The following PHF6 variants were observed in gnomAD, a reference collection of about 807,000 sequenced individuals.
PHF6 encodes the protein PHD finger protein 6.
In PHF6, 7 loss-of-function variants were observed where a neutral mutation model predicts 34.0. The observed-to-expected ratio is 0.21, with a 90% CI of 0.12 to 0.39. PHF6 has a LOEUF of 0.39. Ranked by LOEUF, PHF6 falls within the 10% of genes least tolerant of loss-of-function variation. PHF6 has a pLI of 1.00. For synonymous variants in PHF6, 89 were observed against 88.4 expected (o/e 1.01, Z -0.04); for missense variants, 128 against 262.8 (o/e 0.49, Z 3.55).
chrX:134,376,568 A>G (rs2077278878), intron 1 of PHF6, among the ~76,000 whole-genome samples: 2 of 111,664 alleles, frequency 1.8e-5, no homozygotes, highest in African/African-American at 6.5e-5. Flanking sequence ...TGTACTACCT[A>G]TAATTAAAAT....
At chrX:134,393,072 A>G (rs936516925) in intron 3 of PHF6, among the ~76,000 whole-genome samples, 2 of 112,319 alleles carry the variant, frequency 1.8e-5, no homozygotes, top group African/African-American at 6.5e-5. Context: ...TGCTGGGATT[A>G]CAGGCATGAG....
chrX:134,385,498 A>G (rs2077327893), intron 3 of PHF6, among the ~76,000 whole-genome samples: 1 of 111,506 alleles, frequency 9.0e-6, no homozygotes, highest in African/African-American at 3.3e-5. Flanking sequence ...TCTTCTTTGT[A>G]CTCAATAGTG....
At chrX:134,388,102 A>C (rs1417090884) in intron 3 of PHF6, among the ~76,000 whole-genome samples, 2 of 111,947 alleles carry the variant, frequency 1.8e-5, no homozygotes, top group African/African-American at 6.5e-5. Flanking sequence ...AATTTAACAA[A>C]TAAAAACTAA....
chrX:134,389,201 C>T (rs752643157), intron 3 of PHF6, among the ~76,000 whole-genome samples: 1 of 111,396 alleles, frequency 9.0e-6, no homozygotes, highest in African/African-American at 3.3e-5. Context: ...AGGATACAAG[C>T]AGGATAAGCT....
At chrX:134,391,736 C>T (rs1301909259) in intron 3 of PHF6, among the ~76,000 whole-genome samples, 2 of 111,663 alleles carry the variant, frequency 1.8e-5, no homozygotes, top group Admixed American at 9.6e-5. Flanking sequence ...TGTAGAATTA[C>T]GTTTCACTAA....
At chrX:134,410,975 T>C (rs1361649563) in intron 5 of PHF6, among the ~76,000 whole-genome samples, 3 of 92,915 alleles carry the variant, frequency 3.2e-5, no homozygotes. Context: ...TTTTTTGAGA[T>C]GGAGTCTTGC....
chrX:134,399,803 TTTAAA>T (rs780689139), intron 5 of PHF6, among the ~76,000 whole-genome samples: 1 of 110,616 alleles, frequency 9.0e-6, no homozygotes, highest in Non-Finnish European at 1.9e-5. Flanking sequence ...AAGTCCATAG[TTTAAA>T]TTAGTGCACT....
chrX:134,417,351 C>G (rs1341594125), intron 9 of PHF6, 49 bp downstream of exon 9: 1 of 1,151,256 alleles, frequency 8.7e-7, no homozygotes, highest in East Asian at 3.0e-5. Context: ...AGTAACCGTC[C>G]TTAAATAGAT....
chrX:134,415,978 G>A (rs757178686), intron 8 of PHF6, among the ~76,000 whole-genome samples: 10 of 107,273 alleles, frequency 9.3e-5, no homozygotes, highest in Non-Finnish European at 1.5e-4. Flanking sequence ...TTATTTTTTT[G>A]AGACAGAGTC....
At chrX:134,373,942 T>C (rs2077267988) in intron 1 of PHF6, among the ~76,000 whole-genome samples, 1 of 106,711 alleles carries the variant, frequency 9.4e-6, no homozygotes, top group Admixed American at 1.0e-4. Context: ...GGGCTAACTC[T>C]TGGGGGAGGG....
chrX:134,401,746 T>C (rs2077403320), intron 5 of PHF6, among the ~76,000 whole-genome samples: 1 of 111,588 alleles, frequency 9.0e-6, no homozygotes, highest in African/African-American at 3.3e-5. Flanking sequence ...AAGGAATCTT[T>C]TGTGCCTAAC....
intron 9 of PHF6, chrX:134,420,368 T>C (rs2077487423): frequency 9.1e-6 from 1 of 109,826 alleles, no homozygotes; most frequent in South Asian, 3.9e-4. Context: ...CAATATTTGT[T>C]ATTCATATCA....
chrX:134,415,797 T>A (rs2077470643), intron 8 of PHF6, among the ~76,000 whole-genome samples: 1 of 111,089 alleles, frequency 9.0e-6, no homozygotes, highest in Admixed American at 9.6e-5. Flanking sequence ...GTGGCGCTTG[T>A]TTCATATAGG....
At chrX:134,424,416 A>G (rs1026388202) in intron 9 of PHF6, among the ~76,000 whole-genome samples, 9 of 111,900 alleles carry the variant, frequency 8.0e-5, no homozygotes, top group Admixed American at 9.5e-5. Context: ...CTCCTGAAAT[A>G]TGCAGGATTA....
chrX:134,424,518 G>C (rs1035293805), intron 9 of PHF6, among the ~76,000 whole-genome samples: 1 of 112,089 alleles, frequency 8.9e-6, no homozygotes, highest in Non-Finnish European at 1.9e-5. Context: ...AATACAGGGC[G>C]AGAGAGAACC....
chrX:134,413,769 G>A (rs2077460943), intron 6 of PHF6, 54 bp from the exon 7 acceptor site: 5 of 1,198,225 alleles, frequency 4.2e-6, no homozygotes, highest in African/African-American at 1.8e-5. Context: ...TTGAAATACC[G>A]ATAGCATATT....
rs773071851 is a variant in PHF6 at position 134,426,573 on chromosome X, A to G, written c.*913A>G. 2 of 159,284 alleles carry G rather than the reference A, an allele frequency of 1.3e-5. No homozygotes were observed. Among genetic ancestry groups the G allele is most frequent in the South Asian group, 6.5e-4 (2 of 3,085 alleles). 13.1% of individuals were successfully genotyped at this position (159,284 alleles called of 1,213,427 possible). A position where few individuals can be genotyped will look rare whatever the true frequency, so the allele number is the denominator to read the frequency against. On this transcript the variant is annotated 3_prime_UTR_variant, in exon 11 of 11. Transcript: ENST00000370803. ...TAAAAAAGTCTTTGCATAAAACAGT[A>G]TTTATTTTTACTTTTGTGACCACTA...
At chrX:134,402,628 T>C (rs1602707282) in intron 5 of PHF6, among the ~76,000 whole-genome samples, 1 of 111,938 alleles carries the variant, frequency 8.9e-6, no homozygotes, top group Middle Eastern at 4.6e-3. Context: ...CGTGTACAAC[T>C]CTAAACAATG....
chrX:134,426,189 T>C lies in PHF6; in HGVS notation c.*529T>C, dbSNP rs944997192. 1.3e-5 allele frequency: 2 copies of C among 158,596 alleles called. No homozygotes were observed. The highest frequency in any genetic ancestry group is 6.0e-5 in the African/African-American group (2 of 33,101). 13.1% of individuals were successfully genotyped at this position (158,596 alleles called of 1,213,427 possible). On this transcript the variant is annotated 3_prime_UTR_variant, in exon 11 of 11. Transcript: ENST00000370803. ...CATGCTAAAAATCTCTTCCAAGAAG[T>C]ATGCTAAAGCTTTTCATTTGGTTCC...
Sources: allele counts gnomAD v4.1 joint callset (sites outside exome capture counted in the v4.1 genomes callset), GRCh38; gene constraint gnomAD v4.1.1; transcripts MANE v1.5; gene names NCBI Gene and HGNC (gene_info 2026-07-23, HGNC 2026-07-21).